OTUB2: variants seen among roughly 807,000 people sequenced by gnomAD.
OTUB2 encodes the protein OTU deubiquitinase, ubiquitin aldehyde binding 2.
In OTUB2, 21 loss-of-function variants were observed where a neutral mutation model predicts 25.1. That is an observed-to-expected ratio of 0.84 (90% CI 0.59 to 1.21). The LOEUF (loss-of-function observed/expected upper bound fraction) is 1.21, where lower values mean the gene tolerates loss of function less well. OTUB2 is among the 50% of genes most tolerant of loss of function. The pLI is 0.00. For synonymous variants in OTUB2, 122 were observed against 122.8 expected (o/e 0.99, Z 0.04); for missense variants, 283 against 298.0 (o/e 0.95, Z 0.37).
chr14:94,034,173 C>T (rs1483435250), intron 1 of OTUB2, among the ~76,000 whole-genome samples: 2 of 152,186 alleles, frequency 1.3e-5, no homozygotes, highest in Non-Finnish European at 2.9e-5. Context: ...ACTTTCCTTC[C>T]AGATATCACT....
chr14:94,030,184 G>A (rs1344118082), intron 1 of OTUB2, among the ~76,000 whole-genome samples: 2 of 152,324 alleles, frequency 1.3e-5, no homozygotes, highest in African/African-American at 4.8e-5. Context: ...ATGGGGGCAG[G>A]AGTGGAAACC....
chr14:94,045,454 T>C (rs1370114990), intron 5 of OTUB2, among the ~76,000 whole-genome samples: 1 of 152,248 alleles, frequency 6.6e-6, no homozygotes, highest in African/African-American at 2.4e-5. Context: ...AGTAGCCTGC[T>C]GTCAGGTGTA....
At chr14:94,026,812 G>A (rs919614004) in intron 1 of OTUB2, among the ~76,000 whole-genome samples, 2 of 152,214 alleles carry the variant, frequency 1.3e-5, no homozygotes, top group African/African-American at 4.8e-5. Flanking sequence ...GGTGGCCCGG[G>A]GCGCCGCCTC....
chr14:94,044,629 C>T lies in OTUB2; in HGVS notation c.347C>T (p.Ser116Phe). The change falls in exon 5 of 6, where the codon TCC becomes TTC. Residue 116 changes from serine (S) to phenylalanine (F), a missense_variant. Ser to Phe is a radical substitution (Grantham distance 155). Coordinates refer to ENST00000203664, the MANE Select transcript of OTUB2 (RefSeq NM_023112.4). ...VELVEKDGSV[S>F]SLLKVFNDQS... Reference sequence around the variant, plus strand: ...CTGGTAGAGAAGGATGGCTCAGTGTCCAGCCTGCTGAAGGTGTTCAACGAC... The same window carrying T: ...CTGGTAGAGAAGGATGGCTCAGTGTTCAGCCTGCTGAAGGTGTTCAACGAC... 3 of 1,614,172 alleles carry T rather than the reference C, an allele frequency of 1.9e-6. No homozygotes were observed. The highest frequency in any genetic ancestry group is 2.7e-5 in the African/African-American group (2 of 75,050).
intron 5 of OTUB2, 86 bp from the exon 6 acceptor site, chr14:94,045,630 A>G: frequency 7.4e-7 from 1 of 1,345,464 alleles, no homozygotes; most frequent in Non-Finnish European, 1.0e-6. Flanking sequence ...GGCTGTGACC[A>G]TGACCCTGAG....
At chr14:94,039,315 T>C (rs1006668287) in intron 3 of OTUB2, 16 of 571,570 alleles carry the variant, frequency 2.8e-5, no homozygotes, top group Admixed American at 2.6e-4. Flanking sequence ...TTCCAGCCTC[T>C]GCTTCCACCA....
rs1885236077 is a variant in OTUB2, at chr14:94,044,726, C to A, written c.444C>A (p.Asp148Glu). ...LTSAFIRNRA[D>E]FFRHFIDEEM... ...CGGCCTTCATCAGGAACCGAGCAGA[C>A]TTCTTCCGGCACTTCATTGATGAGG... The change falls in exon 5 of 6, where the codon GAC (aspartate) becomes GAA (glutamate). Residue 148 changes from aspartate (D) to glutamate (E), a missense_variant. Transcript: ENST00000203664. 1.9e-6 allele frequency: 3 copies of A among 1,613,966 alleles called. No individual in the cohort carries two copies. The highest frequency in any genetic ancestry group is 4.5e-5 in the East Asian group (2 of 44,884).
At chr14:94,044,401 A>C (rs1044677459) in intron 4 of OTUB2, among the ~76,000 whole-genome samples, 185 bp from the exon 5 acceptor site, 1 of 152,230 alleles carries the variant, frequency 6.6e-6, no homozygotes, top group Non-Finnish European at 1.5e-5. Flanking sequence ...ACAAACTGCA[A>C]AGTCTTGCTA....
At chr14:94,029,412 G>T (rs148054277) in intron 1 of OTUB2, among the ~76,000 whole-genome samples, 5 of 152,168 alleles carry the variant, frequency 3.3e-5, no homozygotes, top group Non-Finnish European at 7.3e-5. Context: ...CTCTGAAGGC[G>T]CTAGGGAAGG....
chr14:94,029,639 C>A (rs1210084309), intron 1 of OTUB2, among the ~76,000 whole-genome samples: 1 of 152,230 alleles, frequency 6.6e-6, no homozygotes, highest in Non-Finnish European at 1.5e-5. Context: ...CAAATAAGAT[C>A]CCATTCTAAG....
chr14:94,026,428 G>C lies in OTUB2; in HGVS notation c.-110G>C. ...TATTCTCCGCCGCCCCCACGCCCTC[G>C]AGGTCCCCGCCACCGAACCAGCGGC... On this transcript the variant is annotated 5_prime_UTR_variant, in exon 1 of 6. Coordinates refer to ENST00000203664, the MANE Select transcript of OTUB2 (RefSeq NM_023112.4). 5 of 1,295,598 alleles carry C rather than the reference G, an allele frequency of 3.9e-6. No homozygotes were observed. The highest frequency in any genetic ancestry group is 3.1e-5 in the East Asian group (1 of 32,034). 80.3% of individuals were successfully genotyped at this position (1,295,598 alleles called of 1,614,324 possible).
At chr14:94,039,184 A>G in intron 3 of OTUB2, 103 bp downstream of exon 3, 1 of 917,344 alleles carries the variant, frequency 1.1e-6, no homozygotes, top group Non-Finnish European at 1.7e-6. Context: ...GTTAACCCAG[A>G]GAATGAGCTG....
chr14:94,047,697 A>C lies in OTUB2; in HGVS notation c.*1775A>C, dbSNP rs1355300074. On this transcript the variant is annotated 3_prime_UTR_variant, in exon 6 of 6. Transcript: ENST00000203664. ...CCTGGATGACGCCTTGGCTGTTCTA[A>C]GGGGCTGTAAGGTGGGCTCTGGGCC... 6.6e-6 allele frequency: 1 copy of C among 152,214 alleles called. No homozygotes were observed. The highest frequency in any genetic ancestry group is 1.5e-5 in the Non-Finnish European group (1 of 68,036). 9.4% of individuals were successfully genotyped at this position (152,214 alleles called of 1,614,324 possible). A position where few individuals can be genotyped will look rare whatever the true frequency, so the allele number is the denominator to read the frequency against.
chr14:94,026,509 C>T lies in OTUB2; in HGVS notation c.-29C>T, dbSNP rs551353568. The T allele has an allele frequency of 7.0e-6, 9 of 1,284,948 alleles. No homozygotes were observed. The highest frequency in any genetic ancestry group is 3.0e-4 in the Middle Eastern group (1 of 3,362). The allele number at this position is 1,284,948 out of a possible 1,614,324, so 79.6% of individuals were successfully genotyped here. A position where few individuals can be genotyped will look rare whatever the true frequency, so the allele number is the denominator to read the frequency against. Reference sequence around the variant, plus strand: ...CGCACCGGATCGCTCCTCGCTGGGGCGGGACCTGGCCTGGCGGCTCTGGTC... The same window carrying T: ...CGCACCGGATCGCTCCTCGCTGGGGTGGGACCTGGCCTGGCGGCTCTGGTC... On this transcript the variant is annotated 5_prime_UTR_variant, in exon 1 of 6. Coordinates refer to ENST00000203664, the MANE Select transcript of OTUB2 (RefSeq NM_023112.4).
chr14:94,030,941 C>T (rs1242163484), intron 1 of OTUB2, among the ~76,000 whole-genome samples: 2 of 152,204 alleles, frequency 1.3e-5, no homozygotes, highest in African/African-American at 4.8e-5. Context: ...TGCTTTAGGC[C>T]AGCAACACTC....
At chr14:94,035,196 C>T (rs1885028324) in intron 1 of OTUB2, among the ~76,000 whole-genome samples, 1 of 152,036 alleles carries the variant, frequency 6.6e-6, no homozygotes, top group South Asian at 2.1e-4. Context: ...ATCCAGAATC[C>T]CTTCTTCCCA....
Position 94,045,911 on chromosome 14 carries a change from GAT to G in OTUB2, c.696_697del (p.Asp232GlufsTer36), listed in dbSNP as rs1567054575. The G allele has an allele frequency of 6.2e-7, 1 of 1,614,036 alleles. No homozygotes were observed. Among genetic ancestry groups the G allele is most frequent in the South Asian group, 1.1e-5 (1 of 91,080 alleles). On this transcript the variant is annotated frameshift_variant, in exon 6 of 6. Transcript: ENST00000203664. LOFTEE classifies it high-confidence loss of function. ...TSHYNILYAA[D>X]KH ...CCACTACAACATCCTTTATGCAGCC[GAT>G]AAACATTGATTAATTTTAGGCCATG...
chr14:94,047,502 T>G lies in OTUB2; in HGVS notation c.*1580T>G, dbSNP rs1419055839. 2 of 152,228 alleles carry G rather than the reference T, an allele frequency of 1.3e-5. No homozygotes were observed. The highest frequency in any genetic ancestry group is 3.8e-4 in the East Asian group (2 of 5,204). 9.4% of individuals were successfully genotyped at this position (152,228 alleles called of 1,614,324 possible). On this transcript the variant is annotated 3_prime_UTR_variant, in exon 6 of 6. Transcript: ENST00000203664. ...GTCACTTTTTCACAGGAATGTAAAT[T>G]TGACTGTCACCTCTGAATTTGTTCA...
At position 94,039,101 on chromosome 14, in the gene OTUB2, G is replaced by C. The variant is rs780527504; in HGVS notation, c.218+20G>C. 6.4e-7 allele frequency: 1 copy of C among 1,574,752 alleles called. No homozygotes were observed. Among genetic ancestry groups the C allele is most frequent in the Admixed American group, 1.7e-5 (1 of 59,900 alleles). On this transcript the variant is annotated intron_variant, in intron 3 of 5. Coordinates refer to ENST00000203664, the MANE Select transcript of OTUB2 (RefSeq NM_023112.4). ...CTTCAAGTGAGTGCCGGGGCCCCTT[G>C]GCCTGTCAGGGCTGTGTTCTCTGTG...
Sources: gnomAD v4.1 joint callset for allele counts (sites outside exome capture counted in the v4.1 genomes callset) on GRCh38, gnomAD v4.1.1 for gene constraint, MANE v1.5 for transcripts, NCBI Gene and HGNC (gene_info 2026-07-23, HGNC 2026-07-21) for gene names.